ZNF609: variants seen among roughly 807,000 people sequenced by gnomAD.
The protein encoded by ZNF609 is zinc finger protein 609.
Under a neutral mutation model 109.5 loss-of-function variants are expected in ZNF609, and 11 were observed. The ratio of observed to expected loss-of-function variants is 0.10; its 90% CI spans 0.06 to 0.17. The LOEUF (loss-of-function observed/expected upper bound fraction) is 0.17, where lower values mean the gene tolerates loss of function less well. Ranked by LOEUF, ZNF609 falls within the 10% of genes least tolerant of loss-of-function variation. ZNF609 has a pLI of 1.00. For synonymous variants in ZNF609, 646 were observed against 662.0 expected (o/e 0.98, Z 0.37); for missense variants, 1,559 against 1,772.4 (o/e 0.88, Z 2.16).
chr15:64,618,247 A>G (rs2140968351), intron 2 of ZNF609, among the ~76,000 whole-genome samples: 1 of 152,078 alleles, frequency 6.6e-6, no homozygotes, highest in Non-Finnish European at 1.5e-5. Flanking sequence ...GAAATGGGAA[A>G]AGTTCCCTTG....
chr15:64,674,779 G>C lies in ZNF609; in HGVS notation c.1925G>C (p.Ser642Thr). 2 of 1,613,992 alleles carry C rather than the reference G, an allele frequency of 1.2e-6. No homozygotes were observed. Among genetic ancestry groups the C allele is most frequent in the South Asian group, 1.1e-5 (1 of 91,072 alleles). ...AAAGAAAAATGTAAAAAACCCTCTA[G>C]TTTAAAACCTGAAAAGATTCCTTCC... Reference protein sequence around the residue: ...MEKEKCKKPSSLKPEKIPSKS... With the variant: ...MEKEKCKKPSTLKPEKIPSKS... Residue 642 changes from serine to threonine, a missense_variant, in exon 5 of 10, where the codon AGT becomes ACT. Ser to Thr is a moderately conservative substitution (Grantham distance 58, BLOSUM62 1). Around this residue, in one of 4 missense-constraint regions of ZNF609, gnomAD observed 1,204 missense variants for 1,314.1 expected, o/e 0.92. Transcript: ENST00000326648.
chr15:64,659,856 A>G (rs935262149), intron 3 of ZNF609, among the ~76,000 whole-genome samples: 2 of 130,778 alleles, frequency 1.5e-5, no homozygotes, highest in Non-Finnish European at 3.2e-5. Context: ...TTTTTTTGAT[A>G]CTGAGTCTTG....
chr15:64,544,396 A>G (rs1229410814), intron 2 of ZNF609, among the ~76,000 whole-genome samples: 1 of 152,160 alleles, frequency 6.6e-6, no homozygotes, highest in Admixed American at 6.5e-5. Flanking sequence ...TTAAAACCAA[A>G]GCCCAGCAAA....
At chr15:64,662,925 C>T (rs1290593261) in intron 3 of ZNF609, among the ~76,000 whole-genome samples, 2 of 151,930 alleles carry the variant, frequency 1.3e-5, no homozygotes, top group Non-Finnish European at 2.9e-5. Flanking sequence ...CCTCGGCCTC[C>T]CAAATTGCTG....
intron 3 of ZNF609, among the ~76,000 whole-genome samples, chr15:64,665,003 T>A (rs1399392437): frequency 6.6e-6 from 1 of 152,260 alleles, no homozygotes; most frequent in East Asian, 1.9e-4. Context: ...ATAAATGGAC[T>A]CTGTTCCTAT....
intron 3 of ZNF609, among the ~76,000 whole-genome samples, chr15:64,652,298 A>T (rs1896428972): frequency 6.6e-6 from 1 of 151,904 alleles, no homozygotes; most frequent in African/African-American, 2.4e-5. Context: ...TGCTCAGCTT[A>T]CAGGCATGAG....
rs567333441 is a variant in ZNF609, at chr15:64,460,591, C to CGCGGCG, written c.-364_-359dup. 7.0e-3 allele frequency among the ~76,000 whole-genome samples: 1,064 copies of CGCGGCG among 151,694 alleles called. 15 individuals carry two copies. The highest frequency in any genetic ancestry group is 0.024 in the African/African-American group (1,011 of 41,478). ...CCGGGTGACTCTGGTTGTCCCGGAT[C>CGCGGCG]GCGGCGGCGGCGGCGGTGGCGGCGG... is the stretch of plus-strand genomic sequence containing the variant. On this transcript the variant is annotated 5_prime_UTR_variant, in exon 1 of 10. Transcript: ENST00000326648.
intron 3 of ZNF609, among the ~76,000 whole-genome samples, chr15:64,665,637 C>T (rs910092016): frequency 1.3e-5 from 2 of 152,124 alleles, no homozygotes; most frequent in African/African-American, 4.8e-5. Flanking sequence ...GGGCCGGGCC[C>T]GGTGGCGCAT....
chr15:64,488,308 G>A (rs768220802), intron 1 of ZNF609, among the ~76,000 whole-genome samples: 5 of 152,120 alleles, frequency 3.3e-5, no homozygotes, highest in African/African-American at 7.2e-5. Flanking sequence ...AAATGCCAGC[G>A]GGGCATTGAT....
At chr15:64,503,909 T>C (rs1424015521) in intron 2 of ZNF609, among the ~76,000 whole-genome samples, 1 of 152,262 alleles carries the variant, frequency 6.6e-6, no homozygotes, top group African/African-American at 2.4e-5. Flanking sequence ...CTTAAGAGCA[T>C]CTTCCTTTGC....
intron 2 of ZNF609, among the ~76,000 whole-genome samples, chr15:64,598,777 TA>T: frequency 7.2e-6 from 1 of 138,208 alleles, no homozygotes; most frequent in African/African-American, 2.6e-5. Flanking sequence ...TATATATATA[TA>T]TATATATATC....
chr15:64,596,146 C>G (rs1895394165), intron 2 of ZNF609, among the ~76,000 whole-genome samples: 3 of 151,928 alleles, frequency 2.0e-5, no homozygotes, highest in Non-Finnish European at 4.4e-5. Flanking sequence ...TAAATATATG[C>G]CAAGCTCTTT....
chr15:64,573,941 G>C (rs1430930959), intron 2 of ZNF609, among the ~76,000 whole-genome samples: 1 of 152,098 alleles, frequency 6.6e-6, no homozygotes, highest in Non-Finnish European at 1.5e-5. Context: ...AGGGGAAAAT[G>C]AGGCCACTTG....
At chr15:64,599,129 G>T (rs916941666) in intron 2 of ZNF609, among the ~76,000 whole-genome samples, 1 of 142,994 alleles carries the variant, frequency 7.0e-6, no homozygotes, top group African/African-American at 2.6e-5. Flanking sequence ...TGTAGTGCTG[G>T]CAACTGAGCA....
At chr15:64,581,663 A>G in intron 2 of ZNF609, among the ~76,000 whole-genome samples, 1 of 152,118 alleles carries the variant, frequency 6.6e-6, no homozygotes. Flanking sequence ...GTGATTGTCA[A>G]GCTGCTGCTT....
intron 2 of ZNF609, among the ~76,000 whole-genome samples, chr15:64,599,704 C>A (rs969760530): frequency 1.3e-5 from 2 of 152,084 alleles, no homozygotes; most frequent in African/African-American, 4.8e-5. Flanking sequence ...AACATCATAC[C>A]CTTTCTTTCA....
chr15:64,607,694 G>A (rs1234156087), intron 2 of ZNF609, among the ~76,000 whole-genome samples: 2 of 151,346 alleles, frequency 1.3e-5, no homozygotes, highest in African/African-American at 4.9e-5. Flanking sequence ...TAGTACTGAC[G>A]GGGTCTCACC....
intron 2 of ZNF609, among the ~76,000 whole-genome samples, chr15:64,559,738 C>T (rs570145040): frequency 1.6e-4 from 25 of 152,264 alleles, no homozygotes; most frequent in African/African-American, 5.8e-4. Context: ...ACTGAGTGGT[C>T]GCTCAATAAG....
At chr15:64,643,249 T>G (rs1217102954) in intron 3 of ZNF609, among the ~76,000 whole-genome samples, 1 of 152,136 alleles carries the variant, frequency 6.6e-6, no homozygotes, top group African/African-American at 2.4e-5. Context: ...CCTGCAACAT[T>G]CCTTGCTGCA....
Sources: gnomAD v4.1 joint callset for allele counts (sites outside exome capture counted in the v4.1 genomes callset) on GRCh38, gnomAD v4.1.1 for gene constraint, gnomAD v4.1.1 regional missense constraint, MANE v1.5 for transcripts, NCBI Gene and HGNC (gene_info 2026-07-23, HGNC 2026-07-21) for gene names.